BMPR1B: variants seen among roughly 807,000 people sequenced by gnomAD.
BMPR1B encodes the protein bone morphogenetic protein receptor type-1B.
Under a neutral mutation model 59.1 loss-of-function variants are expected in BMPR1B, and 12 were observed. The observed-to-expected ratio is 0.20, with a 90% CI of 0.13 to 0.33. The LOEUF (loss-of-function observed/expected upper bound fraction) is 0.33. BMPR1B is among the 10% of genes least tolerant of loss of function. BMPR1B has a pLI of 1.00. For synonymous variants in BMPR1B, 237 were observed against 207.3 expected (o/e 1.14, Z -1.23); for missense variants, 550 against 610.9 (o/e 0.90, Z 1.05).
intron 2 of BMPR1B, among the ~76,000 whole-genome samples, chr4:94,980,037 A>G (rs1731174860): frequency 6.6e-6 from 1 of 152,176 alleles, no homozygotes; most frequent in Admixed American, 6.5e-5. Context: ...ATATATCTTC[A>G]CAGGGCTGTC....
intron 2 of BMPR1B, among the ~76,000 whole-genome samples, chr4:94,891,895 G>A (rs1342876733): frequency 1.3e-5 from 2 of 152,016 alleles, no homozygotes; most frequent in Non-Finnish European, 2.9e-5. Context: ...GAGGCACCAT[G>A]CCAAGCCCTG....
At chr4:95,093,378 G>A (rs992087947) in intron 3 of BMPR1B, among the ~76,000 whole-genome samples, 6 of 151,234 alleles carry the variant, frequency 4.0e-5, no homozygotes, top group African/African-American at 7.3e-5. Flanking sequence ...TAATTATGAT[G>A]TCCAAAGAAT....
chr4:95,027,355 T>G (rs1263070274), intron 3 of BMPR1B, among the ~76,000 whole-genome samples: 1 of 152,222 alleles, frequency 6.6e-6, no homozygotes, highest in Non-Finnish European at 1.5e-5. Flanking sequence ...TCTGAAGTCA[T>G]CTGATTAAAA....
chr4:94,865,839 AT>A (rs919728329), intron 1 of BMPR1B, among the ~76,000 whole-genome samples: 7 of 151,144 alleles, frequency 4.6e-5, no homozygotes, highest in South Asian at 2.1e-4. Flanking sequence ...ATTGAAAAAC[AT>A]TTTTTTTTCG....
chr4:94,836,454 C>G (rs1388166787), intron 1 of BMPR1B, among the ~76,000 whole-genome samples: 1 of 140,750 alleles, frequency 7.1e-6, no homozygotes, highest in African/African-American at 2.7e-5. Context: ...GCCATTCTAA[C>G]TGGTGTGAGA....
At chr4:95,135,762 G>A (rs953106008) in intron 10 of BMPR1B, among the ~76,000 whole-genome samples, 2 of 152,158 alleles carry the variant, frequency 1.3e-5, no homozygotes, top group African/African-American at 2.4e-5. Context: ...GAGATTTTGG[G>A]CTGAGATGAT....
At chr4:94,906,000 TGAA>T (rs200057296) in intron 2 of BMPR1B, among the ~76,000 whole-genome samples, 2,028 of 151,834 alleles carry the variant, frequency 0.013, 37 homozygotes, top group African/African-American at 0.042. Flanking sequence ...GATAATAAGA[TGAA>T]CAAAGTAATG....
chr4:94,973,953 G>T (rs745652532), intron 2 of BMPR1B, among the ~76,000 whole-genome samples: 6 of 152,088 alleles, frequency 3.9e-5, no homozygotes, highest in Non-Finnish European at 7.4e-5. Context: ...TTACAATGTC[G>T]ACATTTTAAA....
chr4:95,133,873 C>A (rs1386627365), intron 10 of BMPR1B, among the ~76,000 whole-genome samples: 1 of 117,714 alleles, frequency 8.5e-6, no homozygotes, highest in Non-Finnish European at 2.0e-5. Context: ...CCTGGCCCAC[C>A]TGCTGTTTTT....
intron 3 of BMPR1B, among the ~76,000 whole-genome samples, chr4:95,012,471 G>GTAAT (rs564832917): frequency 6.6e-6 from 1 of 152,112 alleles, no homozygotes; most frequent in African/African-American, 2.4e-5. Context: ...TCAATATGTT[G>GTAAT]TAATTAATTA....
chr4:94,784,597 A>T (rs530685580), intron 1 of BMPR1B, among the ~76,000 whole-genome samples: 2 of 152,094 alleles, frequency 1.3e-5, no homozygotes, highest in South Asian at 4.2e-4. Context: ...GCCTCAAGTG[A>T]TCTTCCTGCC....
chr4:94,978,036 T>G (rs1225583298), intron 2 of BMPR1B, among the ~76,000 whole-genome samples: 1 of 152,232 alleles, frequency 6.6e-6, no homozygotes, highest in Non-Finnish European at 1.5e-5. Context: ...CTCATTTCTC[T>G]GAAGCCCACA....
chr4:95,066,978 T>G (rs571166233), intron 3 of BMPR1B, among the ~76,000 whole-genome samples: 1 of 152,332 alleles, frequency 6.6e-6, no homozygotes, highest in Admixed American at 6.5e-5. Context: ...GTCTTATTTT[T>G]CTAGTAGAGG....
chr4:94,852,334 GA>G (rs976786149), intron 1 of BMPR1B, among the ~76,000 whole-genome samples: 4 of 151,920 alleles, frequency 2.6e-5, no homozygotes, highest in Non-Finnish European at 5.9e-5. Flanking sequence ...GAATAGATAG[GA>G]AAAAATATAT....
At chr4:95,120,653 T>TTC (rs1400928246) in intron 6 of BMPR1B, among the ~76,000 whole-genome samples, 5 of 116,500 alleles carry the variant, frequency 4.3e-5, no homozygotes, top group African/African-American at 1.5e-4. Flanking sequence ...TTCCTTCCTT[T>TTC]CCTTCCTTCC....
chr4:94,805,152 C>G (rs1471906970), intron 1 of BMPR1B, among the ~76,000 whole-genome samples: 1 of 152,094 alleles, frequency 6.6e-6, no homozygotes, highest in African/African-American at 2.4e-5. Flanking sequence ...AGAAGCTCAG[C>G]CAGTGTCTAT....
At chr4:94,773,048 C>T (rs972803211) in intron 1 of BMPR1B, among the ~76,000 whole-genome samples, 9 of 152,102 alleles carry the variant, frequency 5.9e-5, no homozygotes, top group Non-Finnish European at 1.3e-4. Flanking sequence ...TTTTTCATCA[C>T]AGTAATGGAT....
intron 10 of BMPR1B, among the ~76,000 whole-genome samples, chr4:95,134,694 C>T (rs555731511): frequency 7.8e-4 from 118 of 152,220 alleles, no homozygotes; most frequent in Middle Eastern, 3.4e-3. Context: ...TCATATCCTT[C>T]GCCCACTTTT....
At chr4:94,812,548 A>G (rs1264119403) in intron 1 of BMPR1B, among the ~76,000 whole-genome samples, 1 of 152,208 alleles carries the variant, frequency 6.6e-6, no homozygotes, top group Non-Finnish European at 1.5e-5. Flanking sequence ...TTCTGTAGGC[A>G]CTGGGAAGCT....
Sources: gnomAD v4.1 joint callset for allele counts (sites outside exome capture counted in the v4.1 genomes callset) on GRCh38, gnomAD v4.1.1 for gene constraint, MANE v1.5 for transcripts, NCBI Gene and HGNC (gene_info 2026-07-23, HGNC 2026-07-21) for gene names.